Variants in CDC25C observed in about 807,000 individuals in gnomAD.
The protein encoded by CDC25C is M-phase inducer phosphatase 3.
Under a neutral mutation model 52.5 loss-of-function variants are expected in CDC25C, and 48 were observed. The observed-to-expected ratio is 0.91, with a 90% CI of 0.72 to 1.16. The LOEUF (loss-of-function observed/expected upper bound fraction) is 1.16, where lower values mean the gene tolerates loss of function less well. Among genes scored for constraint, CDC25C ranks in the 50% most tolerant of loss-of-function variants. CDC25C has a pLI of 0.00. For missense variants in CDC25C, 510 were observed against 566.1 expected (o/e 0.90, Z 1.01); for synonymous variants, 187 against 206.5 (o/e 0.91, Z 0.81).
intron 7 of CDC25C, among the ~76,000 whole-genome samples, chr5:138,318,671 C>T (rs545427734): frequency 1.3e-5 from 2 of 151,906 alleles, no homozygotes; most frequent in East Asian, 1.9e-4. Flanking sequence ...GCCAAGATGG[C>T]GCCACTGCAC....
rs373368787 is a variant in CDC25C, at chr5:138,338,289, G to A, written c.-321C>T. The A allele has an allele frequency of 2.0e-4, 151 of 752,058 alleles. 1 individual carries two copies. In the East Asian group the frequency reaches 4.8e-3, roughly 24 times the overall value. 46.6% of individuals were successfully genotyped at this position (752,058 alleles called of 1,614,324 possible). ...TCAGAGCTGCTCCGGCCGCGGCCCTGGGAGCTGGAGGAACCGCGGTAGGTG... is the reference window on the plus strand; with the variant it reads ...TCAGAGCTGCTCCGGCCGCGGCCCTAGGAGCTGGAGGAACCGCGGTAGGTG... On this transcript the variant is annotated 5_prime_UTR_variant, in exon 1 of 6. Coordinates refer to the CDC25C transcript ENST00000510119.
intron 6 of CDC25C, among the ~76,000 whole-genome samples, chr5:138,323,999 G>A (rs945298905): frequency 2.6e-5 from 4 of 151,634 alleles, no homozygotes; most frequent in African/African-American, 9.7e-5. Context: ...GACTGGGCAG[G>A]GTGGCTCACA....
chr5:138,338,157 G>T (rs1760849911), exon 1 of CDC25C: 1 of 1,289,696 alleles, frequency 7.8e-7, no homozygotes, highest in South Asian at 1.2e-5. Flanking sequence ...GCCCTCCATG[G>T]GTGGCTTGGG....
At chr5:138,301,257 AT>A (rs1400483203) in intron 7 of CDC25C, among the ~76,000 whole-genome samples, 1 of 152,220 alleles carries the variant, frequency 6.6e-6, no homozygotes, top group African/African-American at 2.4e-5. Context: ...AATATCAGGA[AT>A]GAGAGACATC....
chr5:138,322,061 G>GC (rs1012237580), intron 6 of CDC25C, among the ~76,000 whole-genome samples: 2 of 151,862 alleles, frequency 1.3e-5, no homozygotes, highest in Non-Finnish European at 2.9e-5. Flanking sequence ...GAGTGCAGTG[G>GC]CGCGATCTTG....
At position 138,286,553 on chromosome 5, in the gene CDC25C, C is replaced by T. The variant is rs746715217; in HGVS notation, c.1104G>A (p.Gln368=). The T allele has an allele frequency of 1.9e-4, 312 of 1,613,916 alleles. No individual in the cohort carries two copies. The highest frequency in any genetic ancestry group is 2.5e-4 in the Non-Finnish European group (294 of 1,179,922). Reference sequence around the variant, plus strand: ...AGTGGAACACGATGATTATTCTCTTCTGGGTGTCCAAAGGGACGATGGGCT... The same window carrying T: ...AGTGGAACACGATGATTATTCTCTTTTGGGTGTCCAAAGGGACGATGGGCT... ...LKKPIVPLDT[Q]KRIIIVFHCE... is the part of the protein sequence containing the mutation. The change falls in exon 12 of 14, where the codon CAG becomes CAA. Residue 368 remains glutamine (Q), a synonymous_variant. Coordinates refer to ENST00000323760, the MANE Select transcript of CDC25C (RefSeq NM_001790.5).
chr5:138,329,562 C>A lies in CDC25C; in HGVS notation c.280G>T (p.Asp94Tyr). 6.2e-7 allele frequency: 1 copy of A among 1,603,710 alleles called. No homozygotes were observed. Reference sequence around the variant, plus strand: ...TCTCCCTTCTCCCTACCAGTTTCATCAAGGTCTGCAGAAGTGGTAAGCTGA... The same window carrying A: ...TCTCCCTTCTCCCTACCAGTTTCATAAAGGTCTGCAGAAGTGGTAAGCTGA... The part of the protein sequence containing the change: ...ATQLTTSADL[D>Y]ETGHLDSSGL... Residue 94 changes from aspartate (D) to tyrosine (Y), a missense_variant, in exon 3 of 14, where the codon GAT (aspartate) becomes TAT (tyrosine). Coordinates refer to ENST00000323760, the MANE Select transcript of CDC25C (RefSeq NM_001790.5).
chr5:138,305,137 A>T (rs1386743929), intron 7 of CDC25C, among the ~76,000 whole-genome samples: 2 of 152,114 alleles, frequency 1.3e-5, no homozygotes, highest in African/African-American at 2.4e-5. Context: ...CTCTTGTCAT[A>T]TATGATTCCT....
Position 138,285,379 on chromosome 5 carries a change from A to G in CDC25C, c.*313T>C. On this transcript the variant is annotated 3_prime_UTR_variant, in exon 14 of 14. Coordinates refer to ENST00000323760, the MANE Select transcript of CDC25C (RefSeq NM_001790.5). ...AACGCTCTTGCATAGCCCGAAGCCCAGAGAGAAAGAGTTGGCTGGCTTGTG... is the reference window on the plus strand; with the variant it reads ...AACGCTCTTGCATAGCCCGAAGCCCGGAGAGAAAGAGTTGGCTGGCTTGTG... 3.4e-6 allele frequency: 1 copy of G among 290,436 alleles called. No individual in the cohort carries two copies. 18.0% of individuals were successfully genotyped at this position (290,436 alleles called of 1,614,324 possible). A position where few individuals can be genotyped will look rare whatever the true frequency, so the allele number is the denominator to read the frequency against.
intron 6 of CDC25C, among the ~76,000 whole-genome samples, chr5:138,324,184 T>C (rs928116686): frequency 1.3e-5 from 2 of 151,640 alleles, no homozygotes; most frequent in Admixed American, 1.3e-4. Context: ...GACAGGAGAA[T>C]TGCTTGAACC....
intron 10 of CDC25C, 149 bp from the exon 11 acceptor site, chr5:138,287,416 T>C (rs1193155110): frequency 1.7e-6 from 1 of 577,896 alleles, no homozygotes; most frequent in Non-Finnish European, 3.1e-6. Context: ...GTGGCAATGA[T>C]TCAGCCCCAC....
intron 1 of CDC25C, chr5:138,337,700 C>CA (rs1314644557): frequency 3.0e-6 from 1 of 332,334 alleles, no homozygotes; most frequent in Admixed American, 4.5e-5. Context: ...GCCGATCCGG[C>CA]AGCTGCAAGA....
At chr5:138,319,612 C>A (rs1056371824) in intron 6 of CDC25C, among the ~76,000 whole-genome samples, 1 of 151,994 alleles carries the variant, frequency 6.6e-6, no homozygotes, top group African/African-American at 2.4e-5. Flanking sequence ...AAAAGGCAAC[C>A]CACAAAATGG....
rs71585117 is a variant in CDC25C at position 138,322,466 on chromosome 5, ATTTTTTTTT to A, written c.460-3101_460-3093del. Among the ~76,000 whole-genome samples, 2 of 67,954 alleles carry A rather than the reference ATTTTTTTTT, an allele frequency of 2.9e-5. 1 individual carries two copies. Among genetic ancestry groups the A allele is most frequent in the South Asian group, 1.9e-3 (2 of 1,072 alleles). The allele number at this position is 67,954 out of a possible 152,430, so 44.6% of individuals were successfully genotyped here. The stretch of plus-strand genomic sequence containing the variant: ...AGATGCCTGCCACCACGCCCGGCTA[ATTTTTTTTT>A]TTTTTTTTTTTTTTTTTTGAGATGG... On this transcript the variant is annotated intron_variant, in intron 6 of 13. Coordinates refer to ENST00000323760, the MANE Select transcript of CDC25C (RefSeq NM_001790.5).
chr5:138,338,161 G>A (rs1271974864), exon 1 of CDC25C: 3 of 1,289,662 alleles, frequency 2.3e-6, no homozygotes, highest in Non-Finnish European at 3.0e-6. Flanking sequence ...TCCATGGGTG[G>A]CTTGGGGGGA....
chr5:138,292,498 A>AC (rs1474443969), intron 7 of CDC25C, among the ~76,000 whole-genome samples: 6 of 151,832 alleles, frequency 4.0e-5, no homozygotes, highest in South Asian at 2.1e-4. Flanking sequence ...AAAAAAAAAA[A>AC]AAAAACATAA....
At chr5:138,301,010 C>A (rs1644114951) in intron 7 of CDC25C, among the ~76,000 whole-genome samples, 1 of 152,096 alleles carries the variant, frequency 6.6e-6, no homozygotes, top group Admixed American at 6.6e-5. Context: ...AGCTAAAGTA[C>A]TAAATACCCT....
chr5:138,309,574 G>C (rs530325002), intron 7 of CDC25C, among the ~76,000 whole-genome samples: 1 of 152,002 alleles, frequency 6.6e-6, no homozygotes, highest in East Asian at 1.9e-4. Context: ...AAAGGGCGAT[G>C]GGGGGAGGTG....
At chr5:138,299,901 T>A (rs62380879) in intron 7 of CDC25C, among the ~76,000 whole-genome samples, 22,261 of 151,900 alleles carry the variant, frequency 0.15, 1,890 homozygotes, top group South Asian at 0.23. Flanking sequence ...TCTCAAGTTA[T>A]CAAAATCAGG....
Sources: gnomAD v4.1 joint callset for allele counts (sites outside exome capture counted in the v4.1 genomes callset) on GRCh38, gnomAD v4.1.1 for gene constraint, MANE v1.5 for transcripts, NCBI Gene and HGNC (gene_info 2026-07-23, HGNC 2026-07-21) for gene names.